Variants in TAS1R2 observed in about 807,000 individuals in gnomAD.
The protein encoded by TAS1R2 is taste 1 receptor member 2.
In TAS1R2, 47 loss-of-function variants were observed where a neutral mutation model predicts 49.3. That is an observed-to-expected ratio of 0.95 (90% CI 0.75 to 1.22). The LOEUF (loss-of-function observed/expected upper bound fraction) is 1.22. TAS1R2 is among the 50% of genes most tolerant of loss of function. The probability of loss-of-function intolerance (pLI) is 0.00; values close to 1 mark genes in which losing one functional copy is unlikely to be tolerated. For missense variants in TAS1R2, 1,155 were observed against 1,122.1 expected (o/e 1.03, Z -0.42); for synonymous variants, 479 against 467.9 (o/e 1.02, Z -0.31).
Position 18,854,937 on chromosome 1 carries a change from G to C in TAS1R2, c.533C>G (p.Pro178Arg), listed in dbSNP as rs755156769. The change falls in exon 3 of 6, where the codon CCG (proline) becomes CGG (arginine). Residue 178 changes from proline to arginine, a missense_variant. Physicochemically the swap from Pro to Arg is moderately radical, Grantham distance 103. Transcript: ENST00000375371. This position sits in a 1 kb window ranked among gnomAD's most constrained non-coding sequence, Gnocchi z 4.9. ...GCTGGGTGTGGTACGCAGCAAAGCC[G>C]GGAAGCGCACCTTGTCTCGCAGCTC... 1.2e-6 allele frequency: 2 copies of C among 1,609,082 alleles called. No homozygotes were observed. Among genetic ancestry groups the C allele is most frequent in the Non-Finnish European group, 1.7e-6 (2 of 1,175,900 alleles).
chr1:18,843,079 C>T (rs907486915), intron 4 of TAS1R2, among the ~76,000 whole-genome samples: 5 of 152,210 alleles, frequency 3.3e-5, no homozygotes, highest in African/African-American at 4.8e-5. Context: ...ATCATTAACA[C>T]TCACTATCTT....
chr1:18,859,054 C>T (rs1417926565), intron 1 of TAS1R2, among the ~76,000 whole-genome samples: 1 of 152,182 alleles, frequency 6.6e-6, no homozygotes, highest in Non-Finnish European at 1.5e-5. Context: ...GGCCCAAAAG[C>T]ACCCCTACCC....
exon 6 of TAS1R2, chr1:18,840,270 C>G (rs542771786): frequency 3.7e-6 from 6 of 1,614,052 alleles, no homozygotes; most frequent in South Asian, 3.3e-5. Context: ...ACCGGGACCA[C>G]CATGTATGCC....
At chr1:18,857,219 T>C in intron 2 of TAS1R2, 112 bp downstream of exon 2, 1 of 1,233,074 alleles carries the variant, frequency 8.1e-7, no homozygotes, top group Non-Finnish European at 1.1e-6. Context: ...ACCCTGCTTC[T>C]GGTCCTATCA....
intron 2 of TAS1R2, among the ~76,000 whole-genome samples, chr1:18,856,114 C>T (rs183021492): frequency 6.6e-6 from 1 of 152,300 alleles, no homozygotes; most frequent in Admixed American, 6.5e-5. Context: ...AAAGCCAGTC[C>T]TTGAATGGCC....
exon 6 of TAS1R2, chr1:18,840,174 C>G: frequency 6.2e-7 from 1 of 1,614,168 alleles, no homozygotes; most frequent in East Asian, 2.2e-5. Flanking sequence ...GAACGCACGG[C>G]GATACAGGAG....
intron 2 of TAS1R2, among the ~76,000 whole-genome samples, chr1:18,857,092 G>T (rs1364549304): frequency 2.0e-5 from 3 of 152,178 alleles, no homozygotes; most frequent in Admixed American, 2.0e-4. Flanking sequence ...TTTGCCAAAG[G>T]CTTCACTGTG....
chr1:18,848,106 G>A (rs1933954813), intron 4 of TAS1R2, among the ~76,000 whole-genome samples: 1 of 152,144 alleles, frequency 6.6e-6, no homozygotes. Context: ...TTTGGGTGGG[G>A]ACACAGAGCC....
At chr1:18,852,776 C>T (rs1003383639) in intron 3 of TAS1R2, among the ~76,000 whole-genome samples, 4 of 152,254 alleles carry the variant, frequency 2.6e-5, no homozygotes, top group African/African-American at 7.2e-5. Context: ...TGTTCACTCC[C>T]TACTTCAGTC....
chr1:18,847,730 T>C (rs987831433), intron 4 of TAS1R2, among the ~76,000 whole-genome samples: 25 of 152,170 alleles, frequency 1.6e-4, no homozygotes, highest in African/African-American at 5.3e-4. Context: ...AAGGCATAGC[T>C]ACCAAACTAA....
chr1:18,848,435 A>G (rs929587499), intron 4 of TAS1R2, among the ~76,000 whole-genome samples: 10 of 152,054 alleles, frequency 6.6e-5, no homozygotes, highest in Admixed American at 6.5e-5. Context: ...ATAGTTCCCA[A>G]TCAGTGGGGG....
rs112153283 is a variant in TAS1R2 at position 18,854,534 on chromosome 1, G to A, written c.936C>T (p.Asn312=). Reference sequence around the variant, plus strand: ...TGCCCAAGTGGCGCAGCTCCGTGAGGTTGTGCAGGACCGGGTCGATGGCCC... The same window carrying A: ...TGCCCAAGTGGCGCAGCTCCGTGAGATTGTGCAGGACCGGGTCGATGGCCC... The change falls in exon 3 of 6, where the codon AAC becomes AAT. Residue 312 remains asparagine, a synonymous_variant. Coordinates refer to ENST00000375371, the Ensembl canonical transcript of TAS1R2. The surrounding 1 kb of genome is among the most constrained non-coding windows in gnomAD (Gnocchi z 4.9). The A allele has an allele frequency of 5.6e-5, 90 of 1,613,850 alleles. No homozygotes were observed. In the African/African-American group the frequency reaches 1.1e-3, roughly 20 times the overall value.
In TAS1R2 at chr1:18,858,852, A is replaced by G. The variant is rs191193277; in HGVS notation, c.182+627T>C. 3.7e-4 allele frequency among the ~76,000 whole-genome samples: 56 copies of G among 152,266 alleles called. No homozygotes were observed. The Middle Eastern group carries it at 0.01, about 28-fold the overall frequency. On this transcript the variant is annotated intron_variant, in intron 1 of 5. Coordinates refer to ENST00000375371, the Ensembl canonical transcript of TAS1R2. The stretch of plus-strand genomic sequence containing the variant: ...TACTCAACCCTTAATCATCTTTTGC[A>G]CTGTTCTTCCTTTCTCCTTGTCTCC...
At chr1:18,850,847 C>A (rs1934009392) in intron 3 of TAS1R2, among the ~76,000 whole-genome samples, 1 of 152,230 alleles carries the variant, frequency 6.6e-6, no homozygotes, top group African/African-American at 2.4e-5. Context: ...ACATTTAAGG[C>A]AGACTCAAGT....
chr1:18,844,339 C>T lies in TAS1R2; in HGVS notation c.1468-2487G>A, dbSNP rs147798231. Among the ~76,000 whole-genome samples, 21 of 152,240 alleles carry T rather than the reference C, an allele frequency of 1.4e-4. No individual in the cohort carries two copies. In the East Asian group the frequency reaches 3.3e-3, roughly 24 times the overall value. ...GAGTGGAAGAATGGAGACAAAGTTGCTTGGGGAAAGGTATATGTATGGATC... is the reference window on the plus strand; with the variant it reads ...GAGTGGAAGAATGGAGACAAAGTTGTTTGGGGAAAGGTATATGTATGGATC... On this transcript the variant is annotated intron_variant, in intron 4 of 5. Coordinates refer to ENST00000375371, the Ensembl canonical transcript of TAS1R2.
chr1:18,851,389 G>A (rs1043750551), intron 3 of TAS1R2, among the ~76,000 whole-genome samples: 2 of 152,130 alleles, frequency 1.3e-5, no homozygotes, highest in African/African-American at 4.8e-5. Flanking sequence ...GTGCAGAGGT[G>A]CGATCTCAGA....
At chr1:18,853,593 G>A (rs1934070570) in intron 3 of TAS1R2, among the ~76,000 whole-genome samples, 1 of 152,192 alleles carries the variant, frequency 6.6e-6, no homozygotes, top group African/African-American at 2.4e-5. Context: ...GTTTAGGGAA[G>A]TGGCTAAATA....
At position 18,854,622 on chromosome 1, in the gene TAS1R2, T is replaced by C. The variant is rs1298173347; in HGVS notation, c.848A>G (p.His283Arg). 4 of 1,613,900 alleles carry C rather than the reference T, an allele frequency of 2.5e-6. No individual in the cohort carries two copies. Among genetic ancestry groups the C allele is most frequent in the Non-Finnish European group, 3.4e-6 (4 of 1,179,958 alleles). ...CTGGCGCAGCACCTCATTGAAGAAG[T>C]GGTACAGGGTCAGGTCGGGCGAGAA... is the stretch of plus-strand genomic sequence containing the variant. The change falls in exon 3 of 6, where the codon CAC becomes CGC. Residue 283 changes from histidine to arginine, a missense_variant. Transcript: ENST00000375371. This position sits in a 1 kb window ranked among gnomAD's most constrained non-coding sequence, Gnocchi z 4.9.
intron 5 of TAS1R2, 133 bp downstream of exon 5, chr1:18,841,596 T>G (rs1411362070): frequency 3.0e-6 from 4 of 1,327,524 alleles, no homozygotes; most frequent in Non-Finnish European, 4.0e-6. Context: ...ATCTGGTCCC[T>G]GGCCTTTGGA....
Sources: allele counts gnomAD v4.1 joint callset (sites outside exome capture counted in the v4.1 genomes callset), GRCh38; gene constraint gnomAD v4.1.1; non-coding constraint Gnocchi (gnomAD v3.1); transcripts MANE v1.5; gene names NCBI Gene and HGNC (gene_info 2026-07-23, HGNC 2026-07-21).